The following FTCDNL1 variants were observed in gnomAD, a reference collection of about 807,000 sequenced individuals.
The protein encoded by FTCDNL1 is formiminotransferase cyclodeaminase N-terminal like.
In FTCDNL1, 11 loss-of-function variants were observed where a neutral mutation model predicts 5.9. That is an observed-to-expected ratio of 1.87 (90% confidence interval 1.18 to 3.10). FTCDNL1 has a LOEUF of 3.10. FTCDNL1 is among the 30% of genes most tolerant of loss of function. FTCDNL1 has a pLI of 0.00. For synonymous variants in FTCDNL1, 58 were observed against 24.8 expected (o/e 2.34, Z -3.99); for missense variants, 115 against 65.5 (o/e 1.76, Z -2.61).
intron 3 of FTCDNL1, among the ~76,000 whole-genome samples, chr2:199,777,528 G>A (rs767910323): frequency 2.0e-5 from 3 of 152,170 alleles, no homozygotes; most frequent in Non-Finnish European, 2.9e-5. Context: ...AAACTATGGA[G>A]GGTCCTCTGC....
At chr2:199,818,176 G>A (rs543874794) in intron 4 of FTCDNL1, among the ~76,000 whole-genome samples, 6 of 152,088 alleles carry the variant, frequency 3.9e-5, no homozygotes, top group Admixed American at 1.3e-4. Flanking sequence ...CTACATCTGC[G>A]GTATAATCTC....
At chr2:199,685,583 T>C in the FTCDNL1 span, among the ~76,000 whole-genome samples, 1 of 152,330 alleles carries the variant, frequency 6.6e-6, no homozygotes, top group East Asian at 1.9e-4. Flanking sequence ...AATGTGTTTT[T>C]ATATGCAAAT....
At chr2:199,839,689 A>G (rs1279691486) in intron 3 of FTCDNL1, among the ~76,000 whole-genome samples, 1 of 152,224 alleles carries the variant, frequency 6.6e-6, no homozygotes, top group Non-Finnish European at 1.5e-5. Context: ...ACAAGCCTCC[A>G]GAGAGAAATG....
chr2:199,738,644 T>C, the FTCDNL1 span, among the ~76,000 whole-genome samples: 23 of 152,330 alleles, frequency 1.5e-4, no homozygotes, highest in Admixed American at 5.2e-4. Flanking sequence ...TGATTCACTT[T>C]GTGTTTCCCA....
intron 3 of FTCDNL1, among the ~76,000 whole-genome samples, chr2:199,778,738 C>T (rs1699213369): frequency 6.6e-6 from 1 of 152,154 alleles, no homozygotes; most frequent in Non-Finnish European, 1.5e-5. Context: ...CTCAAACTGC[C>T]AAGAGAATGT....
intron 3 of FTCDNL1, among the ~76,000 whole-genome samples, chr2:199,803,837 G>C (rs940450381): frequency 6.6e-6 from 1 of 152,132 alleles, no homozygotes; most frequent in East Asian, 1.9e-4. Flanking sequence ...GAGGTTCCTG[G>C]TTGACCCAAT....
At chr2:199,681,882 G>A in the FTCDNL1 span, among the ~76,000 whole-genome samples, 1 of 149,502 alleles carries the variant, frequency 6.7e-6, no homozygotes, top group Admixed American at 6.8e-5. Flanking sequence ...CTTTCATAAA[G>A]TCTAACTATG....
chr2:199,844,489 G>T, intron 3 of FTCDNL1: 1 of 663,604 alleles, frequency 1.5e-6, no homozygotes, highest in South Asian at 1.6e-5. Context: ...CTTCCATATC[G>T]ATAGCCTGGA....
intron 3 of FTCDNL1, among the ~76,000 whole-genome samples, chr2:199,796,313 T>G (rs1004299022): frequency 1.1e-4 from 17 of 152,200 alleles, no homozygotes; most frequent in African/African-American, 4.1e-4. Context: ...TGCTCCAAAT[T>G]GCTATCTTCC....
the FTCDNL1 span, among the ~76,000 whole-genome samples, chr2:199,752,074 T>C: frequency 2.6e-5 from 4 of 152,106 alleles, no homozygotes; most frequent in Non-Finnish European, 1.5e-5. Context: ...CCAAAGGCAG[T>C]ATGGAAACCC....
At chr2:199,669,309 G>T in the FTCDNL1 span, among the ~76,000 whole-genome samples, 1 of 151,998 alleles carries the variant, frequency 6.6e-6, no homozygotes, top group Non-Finnish European at 1.5e-5. Context: ...AAGCAAAAGA[G>T]AAAAAAATAA....
At chr2:199,774,000 G>T (rs1229324807) in intron 3 of FTCDNL1, among the ~76,000 whole-genome samples, 1 of 152,206 alleles carries the variant, frequency 6.6e-6, no homozygotes, top group Non-Finnish European at 1.5e-5. Context: ...TTAGTCAATA[G>T]AGTGTCCTCT....
At chr2:199,850,399 T>G (rs1181728596) in intron 1 of FTCDNL1, among the ~76,000 whole-genome samples, 1 of 152,248 alleles carries the variant, frequency 6.6e-6, no homozygotes, top group Non-Finnish European at 1.5e-5. Context: ...ATGGTGTTTA[T>G]GGCAACCCCT....
chr2:199,835,712 A>T (rs1318924122), intron 3 of FTCDNL1, among the ~76,000 whole-genome samples: 1 of 152,216 alleles, frequency 6.6e-6, no homozygotes, highest in Non-Finnish European at 1.5e-5. Flanking sequence ...CTCCACAGTT[A>T]TGGGGCCTGA....
At chr2:199,684,936 ACTT>A in the FTCDNL1 span, among the ~76,000 whole-genome samples, 1 of 152,142 alleles carries the variant, frequency 6.6e-6, no homozygotes, top group Non-Finnish European at 1.5e-5. Context: ...TTATACATAA[ACTT>A]CTTCACAAAC....
the FTCDNL1 span, among the ~76,000 whole-genome samples, chr2:199,725,461 A>G: frequency 6.6e-6 from 1 of 152,252 alleles, no homozygotes; most frequent in East Asian, 1.9e-4. Context: ...AGACTTGTTA[A>G]TGTAGTTTTT....
the FTCDNL1 span, among the ~76,000 whole-genome samples, chr2:199,738,293 T>C: frequency 6.6e-6 from 1 of 152,180 alleles, no homozygotes. Flanking sequence ...ACTACTGTTT[T>C]AGTTGTTTGA....
At chr2:199,685,005 A>T in the FTCDNL1 span, among the ~76,000 whole-genome samples, 2 of 151,908 alleles carry the variant, frequency 1.3e-5, no homozygotes, top group Non-Finnish European at 2.9e-5. Flanking sequence ...TTTTATGATG[A>T]TCATTTCGTT....
At chr2:199,849,989 C>T (rs2076832414) in intron 1 of FTCDNL1, among the ~76,000 whole-genome samples, 1 of 152,150 alleles carries the variant, frequency 6.6e-6, no homozygotes, top group Non-Finnish European at 1.5e-5. Context: ...CTGAGACACG[C>T]GTTAAACTTT....
Sources: gnomAD v4.1 joint callset for allele counts (sites outside exome capture counted in the v4.1 genomes callset) on GRCh38, gnomAD v4.1.1 for gene constraint, MANE v1.5 for transcripts, NCBI Gene and HGNC (gene_info 2026-07-23, HGNC 2026-07-21) for gene names.